FAXC: variants seen among roughly 807,000 people sequenced by gnomAD.
The protein encoded by FAXC is failed axon connections homolog.
Under a neutral mutation model 41.9 loss-of-function variants are expected in FAXC, and 10 were observed. The ratio of observed to expected loss-of-function variants is 0.24; its 90% CI spans 0.15 to 0.41. FAXC has a LOEUF of 0.41. Ranked by LOEUF, FAXC falls within the 10% of genes least tolerant of loss-of-function variation. The pLI, the probability that FAXC is intolerant of heterozygous loss-of-function variation, is 1.00. For missense variants in FAXC, 399 were observed against 510.9 expected (o/e 0.78, Z 2.11); for synonymous variants, 183 against 183.8 (o/e 1.00, Z 0.03).
At chr6:99,323,852 G>A (rs1772683223) in intron 3 of FAXC, among the ~76,000 whole-genome samples, 185 bp from the exon 4 acceptor site, 1 of 152,174 alleles carries the variant, frequency 6.6e-6, no homozygotes, top group Non-Finnish European at 1.5e-5. Flanking sequence ...AGACTTAAGG[G>A]ATTGTGGAAG....
At position 99,280,819 on chromosome 6, in the gene FAXC, G is replaced by T. The variant is rs1770801113; in HGVS notation, c.*345C>A. On this transcript the variant is annotated 3_prime_UTR_variant, in exon 6 of 6. Coordinates refer to ENST00000389677, the MANE Select transcript of FAXC (RefSeq NM_032511.4). ...GTTCAAGAATCCATCTCACAATTAA[G>T]ACCTCAGGGTTGAAGAGGATCATCA... The T allele has an allele frequency of 5.1e-6, 1 of 196,460 alleles. No homozygotes were observed. Among genetic ancestry groups the T allele is most frequent in the Non-Finnish European group, 1.1e-5 (1 of 94,742 alleles). 12.2% of individuals were successfully genotyped at this position (196,460 alleles called of 1,614,324 possible). A position where few individuals can be genotyped will look rare whatever the true frequency, so the allele number is the denominator to read the frequency against.
chr6:99,309,813 C>A, intron 4 of FAXC: 8 of 666,854 alleles, frequency 1.2e-5, no homozygotes, highest in Non-Finnish European at 1.5e-5. Context: ...CCGGTATGAA[C>A]TTGTAAGAGG....
rs141812360 is a variant in FAXC at position 99,347,766 on chromosome 6, T to A, written c.266+1341A>T. On this transcript the variant is annotated intron_variant, in intron 1 of 5. Transcript: ENST00000389677. Reference sequence around the variant, plus strand: ...CCATTTAAATTACTGCCCAAATGTTTTAGTTCTTTAGGTAGCTTGAAATCT... The same window carrying A: ...CCATTTAAATTACTGCCCAAATGTTATAGTTCTTTAGGTAGCTTGAAATCT... Among the ~76,000 whole-genome samples, 10 of 152,358 alleles carry A rather than the reference T, an allele frequency of 6.6e-5. No homozygotes were observed. In the East Asian group the frequency reaches 1.9e-3, roughly 29 times the overall value.
chr6:99,323,685 C>A lies in FAXC; in HGVS notation c.600-18G>T. On this transcript the variant is annotated intron_variant, in intron 3 of 5. Transcript: ENST00000389677. ...CTAATGTCCTGGAATTGTGTGGAAACAAGTTACTACTGTGCATCAGGTACA... is the reference window on the plus strand; with the variant it reads ...CTAATGTCCTGGAATTGTGTGGAAAAAAGTTACTACTGTGCATCAGGTACA... 1 of 1,592,290 alleles carries A rather than the reference C, an allele frequency of 6.3e-7. No individual in the cohort carries two copies. Among genetic ancestry groups the A allele is most frequent in the South Asian group, 1.1e-5 (1 of 90,340 alleles).
chr6:99,337,549 T>G (rs1192162185), intron 2 of FAXC, among the ~76,000 whole-genome samples: 1 of 152,196 alleles, frequency 6.6e-6, no homozygotes, highest in Non-Finnish European at 1.5e-5. Flanking sequence ...CCACATACAC[T>G]GTTTTGTACT....
At chr6:99,308,151 C>T (rs1327285691) in intron 4 of FAXC, among the ~76,000 whole-genome samples, 1 of 151,942 alleles carries the variant, frequency 6.6e-6, no homozygotes, top group African/African-American at 2.4e-5. Flanking sequence ...ACAAAAATTA[C>T]CCAGGCATGG....
intron 3 of FAXC, among the ~76,000 whole-genome samples, chr6:99,329,366 G>T (rs550501396): frequency 6.6e-6 from 1 of 152,238 alleles, no homozygotes; most frequent in African/African-American, 2.4e-5. Flanking sequence ...TTTTAATGAA[G>T]ATATCATGCA....
intron 4 of FAXC, among the ~76,000 whole-genome samples, chr6:99,305,972 T>C (rs1372218481): frequency 2.0e-5 from 3 of 151,454 alleles, no homozygotes; most frequent in Non-Finnish European, 4.4e-5. Flanking sequence ...AATCAATCAA[T>C]CAATTAAAAA....
chr6:99,323,334 G>A, intron 4 of FAXC, 110 bp downstream of exon 4: 1 of 929,100 alleles, frequency 1.1e-6, no homozygotes, highest in Non-Finnish European at 1.6e-6. Flanking sequence ...ACACATGGAA[G>A]CAAAGAAATC....
At position 99,319,135 on chromosome 6, in the gene FAXC, C is replaced by G. The variant is rs1009095405; in HGVS notation, c.823+4309G>C. The stretch of plus-strand genomic sequence containing the variant: ...AAACCCGGCCGGGCGCGGTGGCTCA[C>G]GCCTGTAATCCCAGCACTTTGGGAG... On this transcript the variant is annotated intron_variant, in intron 4 of 5. Coordinates refer to ENST00000389677, the MANE Select transcript of FAXC (RefSeq NM_032511.4). 2.0e-5 allele frequency among the ~76,000 whole-genome samples: 3 copies of G among 152,260 alleles called. 1 individual carries two copies. Among genetic ancestry groups the G allele is most frequent in the African/African-American group, 7.2e-5 (3 of 41,560 alleles).
intron 2 of FAXC, among the ~76,000 whole-genome samples, chr6:99,341,124 A>G (rs1050352404): frequency 2.0e-5 from 3 of 152,238 alleles, no homozygotes; most frequent in Non-Finnish European, 4.4e-5. Context: ...ATTAATAAGC[A>G]TAAACACAAA....
intron 1 of FAXC, among the ~76,000 whole-genome samples, chr6:99,348,248 G>A (rs774444240): frequency 6.6e-6 from 1 of 152,084 alleles, no homozygotes; most frequent in Non-Finnish European, 1.5e-5. Context: ...TTCCAGTGAC[G>A]GAAGGCTCAA....
At chr6:99,321,175 A>G (rs1267377304) in intron 4 of FAXC, among the ~76,000 whole-genome samples, 2 of 152,190 alleles carry the variant, frequency 1.3e-5, no homozygotes, top group Non-Finnish European at 2.9e-5. Context: ...TCTCTAACCC[A>G]TCTTCATATT....
intron 1 of FAXC, among the ~76,000 whole-genome samples, chr6:99,344,826 G>C (rs1292980239): frequency 6.6e-6 from 1 of 152,088 alleles, no homozygotes; most frequent in Non-Finnish European, 1.5e-5. Context: ...GACAGGAGAG[G>C]AGACAAACAA....
chr6:99,281,126 T>G lies in FAXC; in HGVS notation c.*38A>C. ...TGGGAAAATGGACCGACCCAGGGAG[T>G]GGCAGGTCCCAAGGAAGAGGGTCAG... On this transcript the variant is annotated 3_prime_UTR_variant, in exon 6 of 6. Coordinates refer to ENST00000389677, the MANE Select transcript of FAXC (RefSeq NM_032511.4). 1.1e-6 allele frequency: 1 copy of G among 947,082 alleles called. No individual in the cohort carries two copies. The highest frequency in any genetic ancestry group is 1.7e-6 in the Non-Finnish European group (1 of 576,234). 58.7% of individuals were successfully genotyped at this position (947,082 alleles called of 1,614,324 possible). A position where few individuals can be genotyped will look rare whatever the true frequency, so the allele number is the denominator to read the frequency against.
chr6:99,299,058 T>C (rs9402636), intron 4 of FAXC, among the ~76,000 whole-genome samples: 8,413 of 152,220 alleles, frequency 0.055, 446 homozygotes, highest in Admixed American at 0.18. Flanking sequence ...AGTTCTTTCC[T>C]CTGGAATTCA....
intron 2 of FAXC, among the ~76,000 whole-genome samples, chr6:99,337,199 G>A (rs1442911551): frequency 2.6e-5 from 4 of 151,742 alleles, no homozygotes; most frequent in Non-Finnish European, 5.9e-5. Flanking sequence ...AACCATTCAC[G>A]ATCTAGGTAA....
At chr6:99,340,613 A>C (rs781772579) in intron 2 of FAXC, among the ~76,000 whole-genome samples, 7 of 151,890 alleles carry the variant, frequency 4.6e-5, no homozygotes, top group Non-Finnish European at 1.0e-4. Context: ...TAACATACTA[A>C]AGTTTGTTGC....
chr6:99,305,504 C>T (rs1771884529), intron 4 of FAXC, among the ~76,000 whole-genome samples: 1 of 152,028 alleles, frequency 6.6e-6, no homozygotes. Flanking sequence ...CCTCAGTTTC[C>T]TCATTTACAA....
Sources: gnomAD v4.1 joint callset for allele counts (sites outside exome capture counted in the v4.1 genomes callset) on GRCh38, gnomAD v4.1.1 for gene constraint, MANE v1.5 for transcripts, NCBI Gene and HGNC (gene_info 2026-07-23, HGNC 2026-07-21) for gene names.